ALOX5AP: variants seen among roughly 807,000 people sequenced by gnomAD.
ALOX5AP encodes the protein arachidonate 5-lipoxygenase-activating protein.
In ALOX5AP, 9 loss-of-function variants were observed where a neutral mutation model predicts 18.5. The ratio of observed to expected loss-of-function variants is 0.49; its 90% CI spans 0.29 to 0.85. The LOEUF is 0.85. Ranked by LOEUF, ALOX5AP falls within the 40% of genes least tolerant of loss-of-function variation. The probability of loss-of-function intolerance (pLI) is 0.08; values close to 1 mark genes in which losing one functional copy is unlikely to be tolerated. For synonymous variants in ALOX5AP, 81 were observed against 78.6 expected (o/e 1.03, Z -0.16); for missense variants, 172 against 202.5 (o/e 0.85, Z 0.91).
intron 1 of ALOX5AP, among the ~76,000 whole-genome samples, chr13:30,729,629 T>C (rs1162212617): frequency 6.7e-6 from 1 of 149,028 alleles, no homozygotes; most frequent in Admixed American, 6.9e-5. Context: ...CAGGCTGGAG[T>C]GCAGTGGCGT....
chr13:30,715,690 C>G (rs1951544888), intron 1 of ALOX5AP, among the ~76,000 whole-genome samples: 1 of 152,166 alleles, frequency 6.6e-6, no homozygotes, highest in South Asian at 2.1e-4. Context: ...GCGGTCTTTC[C>G]CATGAGGATA....
chr13:30,732,759 C>G (rs914395998), upstream of ALOX5AP, among the ~76,000 whole-genome samples: 3 of 151,868 alleles, frequency 2.0e-5, no homozygotes, highest in African/African-American at 7.3e-5. Context: ...ATACGTTTGA[C>G]ATGCTAAGAG....
chr13:30,736,968 T>A (rs1006018632), intron 1 of ALOX5AP, among the ~76,000 whole-genome samples: 1 of 152,124 alleles, frequency 6.6e-6, no homozygotes, highest in East Asian at 1.9e-4. Flanking sequence ...GTATTCTGGG[T>A]ACAGGCGGAT....
chr13:30,718,859 C>A (rs1951570956), intron 1 of ALOX5AP, among the ~76,000 whole-genome samples: 1 of 152,216 alleles, frequency 6.6e-6, no homozygotes, highest in Non-Finnish European at 1.5e-5. Flanking sequence ...CACTCCCTCC[C>A]CCAAGTTCAC....
intron 2 of ALOX5AP, among the ~76,000 whole-genome samples, chr13:30,751,008 T>C (rs1240235318): frequency 6.6e-6 from 1 of 152,190 alleles, no homozygotes; most frequent in African/African-American, 2.4e-5. Context: ...ATATCTTGAC[T>C]TTATAGCCCT....
At position 30,720,356 on chromosome 13, in the gene ALOX5AP, A is replaced by G. The variant is rs185612754; in HGVS notation, c.116+6515A>G. On this transcript the variant is annotated intron_variant, in intron 1 of 5. Transcript: ENST00000617770. ...ATTATCTCTCAGGATGTGTGAGAAC[A>G]TCTGTTTTTCTTCTAATGCAGTAAA... Among the ~76,000 whole-genome samples the G allele has an allele frequency of 7.4e-4, 113 of 152,368 alleles. 1 individual carries two copies. The Middle Eastern group carries it at 0.017, about 23-fold the overall frequency.
rs185608757 is a variant in ALOX5AP, at chr13:30,738,941, C to T, written c.70+3266C>T. On this transcript the variant is annotated intron_variant, in intron 1 of 4. Transcript: ENST00000380490. ...GTTACTAGTTCCACCCCAACACACA[C>T]ACACACACTCACAAGAAACCTCACA... Among the ~76,000 whole-genome samples the T allele has an allele frequency of 4.3e-3, 658 of 152,282 alleles. 3 individuals are homozygous for T. Among genetic ancestry groups the T allele is most frequent in the Middle Eastern group, 0.027 (8 of 294 alleles).
intron 4 of ALOX5AP, 75 bp downstream of exon 4, chr13:30,756,100 A>C: frequency 7.0e-7 from 1 of 1,438,512 alleles, no homozygotes; most frequent in Admixed American, 1.7e-5. Flanking sequence ...AATTCAAAAC[A>C]GTATTTGACT....
At chr13:30,733,994 T>C (rs1951701552), upstream of ALOX5AP, among the ~76,000 whole-genome samples, 1 of 152,204 alleles carries the variant, frequency 6.6e-6, no homozygotes, top group South Asian at 2.1e-4. Context: ...CAGACTGGTC[T>C]CCACCAGCAG....
chr13:30,731,871 T>G (rs985900043), upstream of ALOX5AP, among the ~76,000 whole-genome samples: 1 of 152,222 alleles, frequency 6.6e-6, no homozygotes, highest in African/African-American at 2.4e-5. Context: ...GGCGGTCTTC[T>G]GCGGGAATCC....
chr13:30,739,547 G>A (rs1001937061), intron 1 of ALOX5AP, among the ~76,000 whole-genome samples: 1 of 152,216 alleles, frequency 6.6e-6, no homozygotes, highest in African/African-American at 2.4e-5. Context: ...TGATTCTCAT[G>A]TCTCAGCCTC....
intron 1 of ALOX5AP, among the ~76,000 whole-genome samples, chr13:30,740,388 G>A (rs918357010): frequency 2.6e-5 from 4 of 152,322 alleles, no homozygotes; most frequent in Middle Eastern, 3.4e-3. Context: ...TGCACAAGAT[G>A]ATATAGTTAA....
At chr13:30,720,305 C>A (rs181459538) in intron 1 of ALOX5AP, among the ~76,000 whole-genome samples, 1 of 152,308 alleles carries the variant, frequency 6.6e-6, no homozygotes, top group East Asian at 1.9e-4. Flanking sequence ...TGGTTCTCAA[C>A]AAGCTTCATA....
intron 2 of ALOX5AP, among the ~76,000 whole-genome samples, chr13:30,748,094 T>C (rs541990934): frequency 4.3e-4 from 66 of 152,162 alleles, no homozygotes; most frequent in Non-Finnish European, 7.5e-4. Context: ...AATTTTTGTA[T>C]CTTTAGTAGA....
chr13:30,752,739 G>A (rs2137823793), intron 3 of ALOX5AP, among the ~76,000 whole-genome samples: 1 of 152,336 alleles, frequency 6.6e-6, no homozygotes, highest in East Asian at 1.9e-4. Flanking sequence ...CAGCTTCTGT[G>A]GCCCTGGAGG....
At chr13:30,763,854 C>T (rs1402749030) in intron 4 of ALOX5AP, 90 bp from the exon 5 acceptor site, 2 of 1,241,222 alleles carry the variant, frequency 1.6e-6, no homozygotes, top group African/African-American at 3.0e-5. Context: ...AATTTAAACC[C>T]CATATATCTA....
At chr13:30,753,223 G>A (rs977640243) in intron 3 of ALOX5AP, among the ~76,000 whole-genome samples, 1 of 152,214 alleles carries the variant, frequency 6.6e-6, no homozygotes, top group Non-Finnish European at 1.5e-5. Flanking sequence ...GGCGGCAGCA[G>A]AAACCACTTA....
upstream of ALOX5AP, among the ~76,000 whole-genome samples, chr13:30,732,091 A>T (rs1951686132): frequency 6.6e-6 from 1 of 152,240 alleles, no homozygotes; most frequent in Non-Finnish European, 1.5e-5. Context: ...TCTCGGGTGA[A>T]GTGGACTCCC....
At chr13:30,717,932 G>A (rs1158175953) in intron 1 of ALOX5AP, among the ~76,000 whole-genome samples, 1 of 151,440 alleles carries the variant, frequency 6.6e-6, no homozygotes, top group Non-Finnish European at 1.5e-5. Flanking sequence ...AAGGGGTAGG[G>A]GGAGTAGGTG....
Sources: gnomAD v4.1 joint callset for allele counts (sites outside exome capture counted in the v4.1 genomes callset) on GRCh38, gnomAD v4.1.1 for gene constraint, MANE v1.5 for transcripts, NCBI Gene and HGNC (gene_info 2026-07-23, HGNC 2026-07-21) for gene names.